The following TCF4 variants were observed in gnomAD, a reference collection of about 807,000 sequenced individuals.
TCF4 encodes the protein transcription factor 4.
In TCF4, 3 loss-of-function variants were observed where a neutral mutation model predicts 82.1. The ratio of observed to expected loss-of-function variants is 0.04; its 90% CI spans 0.02 to 0.09. The LOEUF is 0.09. TCF4 is among the 10% of genes least tolerant of loss of function. TCF4 has a pLI of 1.00. For synonymous variants in TCF4, 276 were observed against 309.6 expected (o/e 0.89, Z 1.14); for missense variants, 518 against 852.7 (o/e 0.61, Z 4.89).
Position 55,549,306 on chromosome 18 carries a change from G to GA in TCF4, c.145+35973dup, listed in dbSNP as rs966060136. ...ACAGAGTGACCCTGTCTCAAAAACA[G>GA]AAAAAAGATTTTTCTTGCTTTAATA... On this transcript the variant is annotated intron_variant, in intron 3 of 19. Transcript: ENST00000354452. 8.0e-5 allele frequency among the ~76,000 whole-genome samples: 12 copies of GA among 149,984 alleles called. No individual in the cohort carries two copies. The South Asian group carries it at 1.7e-3, about 21-fold the overall frequency.
intron 2 of TCF4, among the ~76,000 whole-genome samples, chr18:55,618,937 TTCTGCTAATTTTGGGCTTA>T (rs1481865704): frequency 1.5e-4 from 22 of 150,810 alleles, no homozygotes; most frequent in African/African-American, 5.5e-4. Flanking sequence ...GTTTTCTTCC[TTCTGCTAATTTTGGGCTTA>T]GTTTGTTCTT....
chr18:55,523,799 C>T (rs991199614), intron 3 of TCF4, among the ~76,000 whole-genome samples: 53 of 151,920 alleles, frequency 3.5e-4, no homozygotes, highest in African/African-American at 1.3e-3. Context: ...CATAGTATCT[C>T]CTTTACAATT....
intron 17 of TCF4, 102 bp from the exon 18 acceptor site, chr18:55,229,178 CT>C: frequency 7.3e-7 from 1 of 1,376,902 alleles, no homozygotes; most frequent in African/African-American, 1.4e-5. Flanking sequence ...ACTTTTCCAT[CT>C]TATGCCATGT....
Position 55,351,682 on chromosome 18 carries a change from A to T in TCF4, c.370-679T>A, listed in dbSNP as rs994541769. 4.0e-5 allele frequency: 11 copies of T among 277,866 alleles called. No homozygotes were observed. In the Admixed American group the frequency reaches 7.2e-4, roughly 18 times the overall value. The allele number at this position is 277,866 out of a possible 1,614,324, so 17.2% of individuals were successfully genotyped here. A position where few individuals can be genotyped will look rare whatever the true frequency, so the allele number is the denominator to read the frequency against. On this transcript the variant is annotated intron_variant, in intron 6 of 19. Transcript: ENST00000354452. ...CAGATTAAACATTTACCTGAACACT[A>T]GAAAACTTCCACAATAACCTATCAC...
intron 6 of TCF4, among the ~76,000 whole-genome samples, chr18:55,397,720 AAT>A (rs765256342): frequency 7.1e-4 from 108 of 152,314 alleles, no homozygotes; most frequent in Non-Finnish European, 5.3e-4. Flanking sequence ...AACTACTGTT[AAT>A]CTCTTTAGGG....
chr18:55,630,605 A>G (rs2097730597), intron 2 of TCF4, among the ~76,000 whole-genome samples: 1 of 152,210 alleles, frequency 6.6e-6, no homozygotes, highest in South Asian at 2.1e-4. Flanking sequence ...TTCATTCTAT[A>G]AAGAGCTATT....
At chr18:55,391,953 A>ATATTTTTTT (rs2093144707) in intron 6 of TCF4, among the ~76,000 whole-genome samples, 1 of 107,006 alleles carries the variant, frequency 9.3e-6, no homozygotes, top group Non-Finnish European at 1.9e-5. Flanking sequence ...AAAAAAAAAA[A>ATATTTTTTT]TCTTTTTTTT....
At chr18:55,530,813 C>T (rs975861948) in intron 3 of TCF4, among the ~76,000 whole-genome samples, 1 of 152,214 alleles carries the variant, frequency 6.6e-6, no homozygotes, top group East Asian at 1.9e-4. Flanking sequence ...AACTACAGAT[C>T]TATAGAGAAG....
chr18:55,589,091 T>G (rs1364886292), upstream of TCF4, among the ~76,000 whole-genome samples: 1 of 151,926 alleles, frequency 6.6e-6, no homozygotes, highest in African/African-American at 2.4e-5. Context: ...TATTTTAACG[T>G]GTGTTTGAAA....
chr18:55,599,140 C>T (rs186094991), intron 2 of TCF4, among the ~76,000 whole-genome samples: 1 of 152,148 alleles, frequency 6.6e-6, no homozygotes, highest in African/African-American at 2.4e-5. Flanking sequence ...CTACATAATA[C>T]CCAAGGCTTC....
At chr18:55,269,503 C>T (rs1246117098) in intron 11 of TCF4, 4 of 371,542 alleles carry the variant, frequency 1.1e-5, no homozygotes, top group Admixed American at 7.5e-5. Context: ...TGCTTTGTAG[C>T]TCACTAGTCA....
chr18:55,559,524 G>C (rs1486147624), intron 3 of TCF4, among the ~76,000 whole-genome samples: 1 of 151,500 alleles, frequency 6.6e-6, no homozygotes, highest in Non-Finnish European at 1.5e-5. Context: ...AAAGAAACTA[G>C]GACCTATAAA....
chr18:55,256,130 G>A (rs542931139), intron 14 of TCF4, among the ~76,000 whole-genome samples: 13 of 152,272 alleles, frequency 8.5e-5, no homozygotes, highest in African/African-American at 2.6e-4. Context: ...ATGTATGCAG[G>A]AAAAGAAATC....
At chr18:55,628,743 G>T (rs767978078) in intron 2 of TCF4, among the ~76,000 whole-genome samples, 1 of 152,066 alleles carries the variant, frequency 6.6e-6, no homozygotes, top group African/African-American at 2.4e-5. Context: ...AAAATATTTC[G>T]ATCAATTTCT....
intron 8 of TCF4, among the ~76,000 whole-genome samples, chr18:55,337,464 A>G (rs1379147935): frequency 6.6e-6 from 1 of 152,208 alleles, no homozygotes; most frequent in Non-Finnish European, 1.5e-5. Flanking sequence ...CAAACAGAGA[A>G]ATGGGAGGAA....
intron 3 of TCF4, among the ~76,000 whole-genome samples, chr18:55,493,613 T>C (rs1006561829): frequency 2.6e-5 from 4 of 152,208 alleles, no homozygotes; most frequent in African/African-American, 9.6e-5. Flanking sequence ...TTGATAATTC[T>C]TGAACACAGA....
upstream of TCF4, chr18:55,589,646 TAA>T: frequency 9.6e-7 from 1 of 1,041,776 alleles, no homozygotes; most frequent in Non-Finnish European, 1.2e-6. Context: ...TCTTCTCTCA[TAA>T]AGTCTTAAAC....
chr18:55,252,047 A>C (rs2055353149), intron 15 of TCF4, among the ~76,000 whole-genome samples: 1 of 144,962 alleles, frequency 6.9e-6, no homozygotes, highest in Admixed American at 7.2e-5. Context: ...CTTTGTTCTT[A>C]TGTTTTTGTT....
intron 3 of TCF4, among the ~76,000 whole-genome samples, chr18:55,524,681 T>A (rs2146568758): frequency 6.6e-6 from 1 of 152,290 alleles, no homozygotes; most frequent in South Asian, 2.1e-4. Context: ...TAACCACCCC[T>A]TAGGCTAGTT....
Sources: allele counts gnomAD v4.1 joint callset (sites outside exome capture counted in the v4.1 genomes callset), GRCh38; gene constraint gnomAD v4.1.1; transcripts MANE v1.5; gene names NCBI Gene and HGNC (gene_info 2026-07-23, HGNC 2026-07-21).